COL4A2: variants seen among roughly 807,000 people sequenced by gnomAD.
COL4A2 encodes collagen alpha-2(IV) chain.
Under a neutral mutation model 200.2 loss-of-function variants are expected in COL4A2, and 99 were observed. The observed-to-expected ratio is 0.49, with a 90% confidence interval of 0.42 to 0.58. The LOEUF is 0.58. Ranked by LOEUF, COL4A2 falls within the 20% of genes least tolerant of loss-of-function variation. The pLI is 0.00. For synonymous variants in COL4A2, 897 were observed against 900.6 expected (o/e 1.00, Z 0.07); for missense variants, 1,950 against 2,314.1 (o/e 0.84, Z 3.23).
intron 4 of COL4A2, among the ~76,000 whole-genome samples, chr13:110,379,513 CGGGCAGCAGTG>C (rs1437424095): frequency 6.6e-6 from 1 of 152,270 alleles, no homozygotes; most frequent in East Asian, 1.9e-4. Flanking sequence ...CCAGGGGCGC[CGGGCAGCAGTG>C]GGGCTCACAG....
intron 4 of COL4A2, among the ~76,000 whole-genome samples, chr13:110,375,843 T>C (rs959570740): frequency 6.6e-6 from 1 of 151,484 alleles, no homozygotes; most frequent in Non-Finnish European, 1.5e-5. Context: ...AAAAAAAAAA[T>C]TGACAGAGAA....
chr13:110,341,006 A>T (rs1876424538), intron 3 of COL4A2: 1 of 152,090 alleles, frequency 6.6e-6, no homozygotes, highest in Non-Finnish European at 1.5e-5. Flanking sequence ...TTGACTGTTT[A>T]TGGTATGTCA....
chr13:110,406,832 C>T (rs115596825), intron 4 of COL4A2, among the ~76,000 whole-genome samples: 3,752 of 152,268 alleles, frequency 0.025, 153 homozygotes, highest in African/African-American at 0.086. Context: ...TGGCAGCAGT[C>T]CTCATTCCTT....
At chr13:110,505,005 C>G (rs1235793283) in intron 45 of COL4A2, among the ~76,000 whole-genome samples, 2 of 151,634 alleles carry the variant, frequency 1.3e-5, no homozygotes, top group Non-Finnish European at 2.9e-5. Flanking sequence ...TTGTCTTAAT[C>G]AACCTGAGCT....
chr13:110,487,309 C>T (rs941850807), intron 34 of COL4A2, among the ~76,000 whole-genome samples: 6 of 152,206 alleles, frequency 3.9e-5, no homozygotes, highest in East Asian at 1.9e-4. Context: ...AAAAATTAAC[C>T]GGGTTTGGTG....
Position 110,473,298 on chromosome 13 carries a change from A to T in COL4A2, c.2425+148A>T, listed in dbSNP as rs1439701432. The T allele has an allele frequency of 5.9e-6, 4 of 679,540 alleles. No individual in the cohort carries two copies. The Admixed American group carries it at 9.9e-5, about 17-fold the overall frequency. 42.1% of individuals were successfully genotyped at this position (679,540 alleles called of 1,614,324 possible). On this transcript the variant is annotated intron_variant, in intron 29 of 47. Coordinates refer to ENST00000360467, the MANE Select transcript of COL4A2 (RefSeq NM_001846.4). ...GTACCTTCTCCCATGGCCTTCCAGC[A>T]CTCCTTTAGAATGTGTCTGTCACAA...
Position 110,480,585 on chromosome 13 carries a change from G to A in COL4A2, c.2758+195G>A, listed in dbSNP as rs567499974. On this transcript the variant is annotated intron_variant, in intron 31 of 47. Coordinates refer to ENST00000360467, the MANE Select transcript of COL4A2 (RefSeq NM_001846.4). ...CAGCTGGTTAATGCTGCTTAGACGC[G>A]GGTGGGACCAATGTGCCTCACAAAG... Among the ~76,000 whole-genome samples, 4 of 152,304 alleles carry A rather than the reference G, an allele frequency of 2.6e-5. No homozygotes were observed. In the South Asian group the frequency reaches 6.2e-4, roughly 24 times the overall value.
At chr13:110,323,920 G>T (rs1429652310) in intron 3 of COL4A2, among the ~76,000 whole-genome samples, 3 of 152,172 alleles carry the variant, frequency 2.0e-5, no homozygotes. Flanking sequence ...AGTGCGAAAG[G>T]CATGGCCCTC....
chr13:110,478,401 A>T (rs1157751938), intron 30 of COL4A2, among the ~76,000 whole-genome samples: 1 of 152,222 alleles, frequency 6.6e-6, no homozygotes, highest in Non-Finnish European at 1.5e-5. Flanking sequence ...TCTCATCGGG[A>T]AAAAAGAAAA....
chr13:110,460,213 G>A (rs1169043762), intron 22 of COL4A2, among the ~76,000 whole-genome samples: 2 of 152,170 alleles, frequency 1.3e-5, no homozygotes, highest in South Asian at 2.1e-4. Context: ...CCGCAGCCCC[G>A]CAGAGCTGTG....
rs1447865269 is a variant in COL4A2 at position 110,374,692 on chromosome 13, C to T, written c.180+17140C>T. 2.6e-5 allele frequency among the ~76,000 whole-genome samples: 4 copies of T among 152,196 alleles called. No individual in the cohort carries two copies. The East Asian group carries it at 7.7e-4, about 29-fold the overall frequency. ...AACCAGAAAGGTTCTCCAAATATAG[C>T]AAATGCTTTCCTCATCTCCATCCAT... On this transcript the variant is annotated intron_variant, in intron 4 of 47. Transcript: ENST00000360467.
At chr13:110,342,418 T>G (rs1876499269) in intron 3 of COL4A2, among the ~76,000 whole-genome samples, 1 of 152,152 alleles carries the variant, frequency 6.6e-6, no homozygotes. Flanking sequence ...ACAATAACAG[T>G]GTTGACACCT....
intron 40 of COL4A2, among the ~76,000 whole-genome samples, chr13:110,497,919 T>G (rs1883518477): frequency 2.2e-5 from 1 of 45,892 alleles, no homozygotes. Context: ...CAGTCAGGGG[T>G]GAGGATCTGG....
intron 16 of COL4A2, among the ~76,000 whole-genome samples, chr13:110,445,326 C>A (rs186471372): frequency 1.5e-4 from 23 of 152,354 alleles, no homozygotes; most frequent in Non-Finnish European, 2.6e-4. Context: ...CTCATATCTT[C>A]TGTAGGAGAA....
intron 9 of COL4A2, 33 bp downstream of exon 9, chr13:110,430,469 CAA>C (rs1566528599): frequency 6.2e-7 from 1 of 1,614,086 alleles, no homozygotes; most frequent in South Asian, 1.1e-5. Flanking sequence ...ATATTCCAAA[CAA>C]AAGTTTAAGA....
chr13:110,426,753 G>A (rs569636579), intron 6 of COL4A2, among the ~76,000 whole-genome samples: 56 of 152,278 alleles, frequency 3.7e-4, no homozygotes, highest in Non-Finnish European at 5.3e-4. Flanking sequence ...AAGACCAACG[G>A]CAGACAAATA....
At chr13:110,407,799 A>G (rs9284253) in intron 4 of COL4A2, among the ~76,000 whole-genome samples, 94,773 of 152,072 alleles carry the variant, frequency 0.62, 29,658 homozygotes, top group Admixed American at 0.66. Context: ...AGGACGGGGG[A>G]CAGCAGTGTC....
chr13:110,396,097 C>A (rs1029243564), intron 4 of COL4A2, among the ~76,000 whole-genome samples: 5 of 152,178 alleles, frequency 3.3e-5, no homozygotes, highest in African/African-American at 9.7e-5. Flanking sequence ...TAAAGCAGTT[C>A]TGGATTTACA....
intron 4 of COL4A2, among the ~76,000 whole-genome samples, chr13:110,366,054 A>G (rs1223562917): frequency 1.3e-5 from 2 of 152,202 alleles, no homozygotes; most frequent in African/African-American, 4.8e-5. Context: ...GACTTTCGAA[A>G]TCCTTTTTTC....
Sources: gnomAD v4.1 joint callset for allele counts (sites outside exome capture counted in the v4.1 genomes callset) on GRCh38, gnomAD v4.1.1 for gene constraint, MANE v1.5 for transcripts, NCBI Gene and HGNC (gene_info 2026-07-23, HGNC 2026-07-21) for gene names.